CFAP20DC: variants seen among roughly 807,000 people sequenced by gnomAD.
CFAP20DC encodes the protein CFAP20 domain containing.
A neutral mutation model predicts 101.7 loss-of-function variants in CFAP20DC; 84 were observed. That is an observed-to-expected ratio of 0.83 (90% CI 0.69 to 0.99). The LOEUF is 0.99. Ranked by LOEUF, CFAP20DC falls within the 50% of genes least tolerant of loss-of-function variation. The pLI, the probability that CFAP20DC is intolerant of heterozygous loss-of-function variation, is 0.00. For missense variants in CFAP20DC, 1,007 were observed against 970.3 expected, an observed-to-expected ratio of 1.04 and a Z score of -0.50; for synonymous variants, 359 against 351.2, an observed-to-expected ratio of 1.02 and a Z score of -0.25.
In CFAP20DC at chr3:59,002,071, G is replaced by A. The variant is rs1181654552; in HGVS notation, c.278+37486C>T. Among the ~76,000 whole-genome samples, 1 of 152,202 alleles carries A rather than the reference G, an allele frequency of 6.6e-6. No individual in the cohort carries two copies. Among genetic ancestry groups the A allele is most frequent in the South Asian group, 2.1e-4 (1 of 4,830 alleles). ...TCGTTTACCTAGGAGGCAATATCAT[G>A]AAGTTAAAAGTCCATGGATTGTCAG... is the stretch of plus-strand genomic sequence containing the variant. On this transcript the variant is annotated intron_variant, in intron 4 of 16. Coordinates refer to ENST00000482387, the MANE Select transcript of CFAP20DC (RefSeq NM_001394063.1). The surrounding 1 kb of genome is among the most constrained non-coding windows in gnomAD (Gnocchi z 4.5).
intron 14 of CFAP20DC, among the ~76,000 whole-genome samples, chr3:58,813,186 G>A (rs572806177): frequency 6.6e-6 from 1 of 151,914 alleles, no homozygotes; most frequent in Admixed American, 6.6e-5. Flanking sequence ...TAACAAAAAT[G>A]TGAAATCTCA....
At chr3:58,916,312 A>T (rs564297083) in intron 5 of CFAP20DC, among the ~76,000 whole-genome samples, 1 of 151,970 alleles carries the variant, frequency 6.6e-6, no homozygotes, top group African/African-American at 2.4e-5. Context: ...ACCTGTTTAG[A>T]CCATCTCCAG....
At chr3:58,833,034 C>A (rs995935326) in intron 13 of CFAP20DC, among the ~76,000 whole-genome samples, 1 of 152,092 alleles carries the variant, frequency 6.6e-6, no homozygotes, top group Non-Finnish European at 1.5e-5. Context: ...CATACACTTT[C>A]TTGGAGGACT....
At chr3:58,727,327 T>A (rs181193902) in intron 3 of CFAP20DC, 4 of 152,582 alleles carry the variant, frequency 2.6e-5, no homozygotes, top group East Asian at 1.9e-4. Context: ...TAAATATTTC[T>A]AGTTCAGGCT....
intron 3 of CFAP20DC, among the ~76,000 whole-genome samples, chr3:59,041,522 T>G (rs1699384554): frequency 6.6e-6 from 1 of 152,120 alleles, no homozygotes; most frequent in African/African-American, 2.4e-5. Flanking sequence ...AGTGGCTTAG[T>G]ATATTTAAAC....
At chr3:59,021,660 A>G (rs1333518483) in intron 4 of CFAP20DC, among the ~76,000 whole-genome samples, 3 of 152,120 alleles carry the variant, frequency 2.0e-5, no homozygotes, top group African/African-American at 4.8e-5. Context: ...TGGTCACACA[A>G]TGATGAGATA....
At chr3:58,753,886 G>A in intron 15 of CFAP20DC, 23 bp from the exon 16 acceptor site, 3 of 1,489,642 alleles carry the variant, frequency 2.0e-6, no homozygotes, top group Middle Eastern at 1.7e-4. Context: ...CAAAGTGAAT[G>A]AGCATGTCTG....
intron 16 of CFAP20DC, among the ~76,000 whole-genome samples, chr3:58,750,032 C>T (rs988932512): frequency 2.0e-5 from 3 of 152,096 alleles, no homozygotes; most frequent in East Asian, 1.9e-4. Flanking sequence ...GTCAGAGATC[C>T]GAATGCAGTG....
At chr3:58,785,152 C>T (rs775206103) in intron 15 of CFAP20DC, among the ~76,000 whole-genome samples, 1 of 152,002 alleles carries the variant, frequency 6.6e-6, no homozygotes, top group African/African-American at 2.4e-5. Flanking sequence ...GACCAGAGGT[C>T]GTTATGTTAA....
chr3:58,807,313 C>A (rs553937176), intron 14 of CFAP20DC, among the ~76,000 whole-genome samples: 182 of 152,248 alleles, frequency 1.2e-3, no homozygotes, highest in African/African-American at 4.1e-3. Context: ...TGGGAGGCAC[C>A]CCCCAGTAGG....
At position 59,006,268 on chromosome 3, in the gene CFAP20DC, C is replaced by T. The variant is rs139550935; in HGVS notation, c.278+33289G>A. ...ACTATAAAATCATGACGTTAAAAAG[C>T]CATCAGAAGGAGATGGGAGGAAGAT... is the stretch of plus-strand genomic sequence containing the variant. On this transcript the variant is annotated intron_variant, in intron 4 of 16. Coordinates refer to ENST00000482387, the MANE Select transcript of CFAP20DC (RefSeq NM_001394063.1). This position sits in a 1 kb window ranked among gnomAD's most constrained non-coding sequence, Gnocchi z 4.3. 6.6e-4 allele frequency among the ~76,000 whole-genome samples: 100 copies of T among 152,188 alleles called. No homozygotes were observed. The highest frequency in any genetic ancestry group is 1.1e-3 in the Non-Finnish European group (78 of 68,002).
In CFAP20DC at chr3:58,948,709, T is replaced by C. The variant is rs551783473; in HGVS notation, c.279-10947A>G. Among the ~76,000 whole-genome samples the C allele has an allele frequency of 5.1e-4, 77 of 152,326 alleles. 1 individual carries two copies. Among genetic ancestry groups the C allele is most frequent in the African/African-American group, 1.8e-3 (76 of 41,566 alleles). ...GGTTTGCCCGTATTTTATTGAGGAT[T>C]TTTGCATCGATGTTCATCAGGGATA... On this transcript the variant is annotated intron_variant, in intron 4 of 16. Coordinates refer to ENST00000482387, the MANE Select transcript of CFAP20DC (RefSeq NM_001394063.1).
Position 58,894,679 on chromosome 3 carries a change from C to T in CFAP20DC, c.551-9970G>A, listed in dbSNP as rs2082527658. On this transcript the variant is annotated intron_variant, in intron 6 of 16. Transcript: ENST00000482387. This position sits in a 1 kb window ranked among gnomAD's most constrained non-coding sequence, Gnocchi z 4.1. ...CATTCCGGGGTTTGGAGGATGGTGG[C>T]CCTCTTCTTACAGCTCCACTAGATG... is the stretch of plus-strand genomic sequence containing the variant. Among the ~76,000 whole-genome samples the T allele has an allele frequency of 6.6e-6, 1 of 152,160 alleles. No individual in the cohort carries two copies. Among genetic ancestry groups the T allele is most frequent in the Admixed American group, 6.6e-5 (1 of 15,266 alleles).
chr3:58,784,535 G>C (rs529637875), intron 15 of CFAP20DC, among the ~76,000 whole-genome samples: 1 of 152,094 alleles, frequency 6.6e-6, no homozygotes, highest in African/African-American at 2.4e-5. Flanking sequence ...CCATAGGTAG[G>C]AATGAGATAA....
chr3:58,815,227 T>C (rs2075017600), intron 14 of CFAP20DC, among the ~76,000 whole-genome samples: 1 of 151,606 alleles, frequency 6.6e-6, no homozygotes, highest in African/African-American at 2.4e-5. Context: ...ATCTAATCTT[T>C]GACAAACCTG....
At chr3:58,853,909 C>T (rs1351852199) in intron 12 of CFAP20DC, among the ~76,000 whole-genome samples, 1 of 151,448 alleles carries the variant, frequency 6.6e-6, no homozygotes, top group Non-Finnish European at 1.5e-5. Context: ...GAAGCATTCC[C>T]TTTGAAAACT....
chr3:58,940,604 A>AT (rs1389966463), intron 4 of CFAP20DC, among the ~76,000 whole-genome samples: 1 of 152,044 alleles, frequency 6.6e-6, no homozygotes, highest in Non-Finnish European at 1.5e-5. Flanking sequence ...GTGAGGTTGT[A>AT]TTTCTGGACT....
chr3:59,037,272 T>C (rs60482066), intron 4 of CFAP20DC, among the ~76,000 whole-genome samples: 2,899 of 152,026 alleles, frequency 0.019, 80 homozygotes, highest in African/African-American at 0.065. Flanking sequence ...AAAGCCAAAA[T>C]TGACAAATGG....
chr3:59,038,909 T>C (rs1026515151), intron 4 of CFAP20DC, among the ~76,000 whole-genome samples: 4 of 152,112 alleles, frequency 2.6e-5, no homozygotes, highest in African/African-American at 9.6e-5. Flanking sequence ...AATAAGAAAA[T>C]AGCATACCTT....
Sources: gnomAD v4.1 joint callset for allele counts (sites outside exome capture counted in the v4.1 genomes callset) on GRCh38, gnomAD v4.1.1 for gene constraint, Gnocchi (gnomAD v3.1) non-coding constraint, MANE v1.5 for transcripts, NCBI Gene and HGNC (gene_info 2026-07-23, HGNC 2026-07-21) for gene names.